C1QTNF8: variants seen among roughly 807,000 people sequenced by gnomAD.
The protein encoded by C1QTNF8 is C1q and TNF related 8, also known as complement C1q tumor necrosis factor-related protein 8.
A neutral mutation model predicts 19.2 loss-of-function variants in C1QTNF8; 27 were observed. That is an observed-to-expected ratio of 1.41 (90% CI 1.04 to 1.94). The LOEUF (loss-of-function observed/expected upper bound fraction) is 1.94, where lower values mean the gene tolerates loss of function less well. C1QTNF8 is among the 30% of genes most tolerant of loss of function. The pLI, the probability that C1QTNF8 is intolerant of heterozygous loss-of-function variation, is 0.00. For missense variants in C1QTNF8, 484 were observed against 374.4 expected (o/e 1.29, Z -2.42); for synonymous variants, 208 against 172.8 (o/e 1.20, Z -1.60).
intron 2 of C1QTNF8, 148 bp from the exon 3 acceptor site, chr16:1,095,081 T>A: frequency 2.4e-6 from 1 of 409,594 alleles, no homozygotes; most frequent in Non-Finnish European, 4.3e-6. Flanking sequence ...CCTGGCCCAG[T>A]GGGTGAGGCC....
rs899516854 is a variant in C1QTNF8 at position 1,089,005 on chromosome 16, G to A, written c.*1594C>T. Among the ~76,000 whole-genome samples the A allele has an allele frequency of 3.9e-5, 6 of 152,060 alleles. No individual in the cohort carries two copies. The highest frequency in any genetic ancestry group is 7.4e-5 in the Non-Finnish European group (5 of 67,994). The stretch of plus-strand genomic sequence containing the variant: ...CTGGTGCAGGGGCTGGCGTCTTCCC[G>A]GGACTCTCTTCCTCAGGACCACCTG... On this transcript the variant is annotated 3_prime_UTR_variant, in exon 5 of 5. Coordinates refer to ENST00000328449, the MANE Select transcript of C1QTNF8 (RefSeq NM_207419.3).
rs1250559634 is a variant in C1QTNF8 at position 1,089,156 on chromosome 16, A to T, written c.*1443T>A. Reference sequence around the variant, plus strand: ...CTGGGGTGCTTCCCCAGCACAGAACAGGCAGCCTGCGAGAGGAGATGTCCT... The same window carrying T: ...CTGGGGTGCTTCCCCAGCACAGAACTGGCAGCCTGCGAGAGGAGATGTCCT... On this transcript the variant is annotated 3_prime_UTR_variant, in exon 5 of 5. Transcript: ENST00000328449. Among the ~76,000 whole-genome samples, 1 of 152,144 alleles carries T rather than the reference A, an allele frequency of 6.6e-6. No individual in the cohort carries two copies. The highest frequency in any genetic ancestry group is 2.4e-5 in the African/African-American group (1 of 41,420).
rs900444570 is a variant in C1QTNF8, at chr16:1,095,764, G to A, written c.-161C>T. The A allele has an allele frequency of 1.3e-5, 2 of 152,286 alleles. No homozygotes were observed. Among genetic ancestry groups the A allele is most frequent in the Non-Finnish European group, 1.5e-5 (1 of 68,090 alleles). The allele number at this position is 152,286 out of a possible 1,614,324, so 9.4% of individuals were successfully genotyped here. ...CTCCTTCAGGAAGCCCTCTGGGATT[G>A]TAGCACAGGGCAAGGTCCTTCCTCC... On this transcript the variant is annotated 5_prime_UTR_variant, in exon 2 of 5. It introduces an in-frame stop codon into an upstream open reading frame of the 5' UTR. Coordinates refer to ENST00000328449, the MANE Select transcript of C1QTNF8 (RefSeq NM_207419.3).
chr16:1,091,064 AG>A (rs1960534406), intron 4 of C1QTNF8, among the ~76,000 whole-genome samples: 1 of 151,930 alleles, frequency 6.6e-6, no homozygotes, highest in Non-Finnish European at 1.5e-5. Flanking sequence ...CCCTGTGGGG[AG>A]GGAGTGGGGG....
rs1301042047 is a variant in C1QTNF8 at position 1,090,209 on chromosome 16, G to A, written c.*390C>T. 1 of 152,412 alleles carries A rather than the reference G, an allele frequency of 6.6e-6. No individual in the cohort carries two copies. The highest frequency in any genetic ancestry group is 2.4e-5 in the African/African-American group (1 of 41,460). 9.4% of individuals were successfully genotyped at this position (152,412 alleles called of 1,614,324 possible). On this transcript the variant is annotated 3_prime_UTR_variant, in exon 5 of 5. Transcript: ENST00000328449. ...GAGTACGGGGCCACTTGGGGGTGCT[G>A]AGGGGCAGCCTGGCCCCAGGGACAG...
intron 4 of C1QTNF8, among the ~76,000 whole-genome samples, chr16:1,092,420 C>T (rs1960567578): frequency 6.7e-6 from 1 of 150,268 alleles, no homozygotes; most frequent in African/African-American, 2.5e-5. Context: ...TCAATCACTG[C>T]ACACAGTCGG....
At position 1,093,981 on chromosome 16, in the gene C1QTNF8, C is replaced by G; in HGVS notation, c.279G>C (p.Arg93=). 1 of 1,468,090 alleles carries G rather than the reference C, an allele frequency of 6.8e-7. No homozygotes were observed. The allele number at this position is 1,468,090 out of a possible 1,614,324, so 90.9% of individuals were successfully genotyped here. A position where few individuals can be genotyped will look rare whatever the true frequency, so the allele number is the denominator to read the frequency against. ...TCTGGCCTCTGCGGCCCTGCAGGCC[C>G]CGGGCGCCTGGCGGCCCCTCTTTCC... The part of the protein sequence containing the change: ...RSGKEGPPGA[R]GLQGRRGQKG... Residue 93 remains arginine, a synonymous_variant, in exon 4 of 5, where the codon CGG becomes CGC. Coordinates refer to ENST00000328449, the MANE Select transcript of C1QTNF8 (RefSeq NM_207419.3).
Position 1,093,571 on chromosome 16 carries a change from A to G in C1QTNF8, c.689T>C (p.Ile230Thr). The G allele has an allele frequency of 6.3e-7, 1 of 1,595,472 alleles. No homozygotes were observed. Among genetic ancestry groups the G allele is most frequent in the East Asian group, 2.3e-5 (1 of 43,832 alleles). ...RMFQRDRDNA[I>T]YGEHGDLYIT... Reference sequence around the variant, plus strand: ...GTAGAGGTCTCCGTGCTCGCCGTAGATGGCGTTGTCCCGGTCGCGCTGGAA... The same window carrying G: ...GTAGAGGTCTCCGTGCTCGCCGTAGGTGGCGTTGTCCCGGTCGCGCTGGAA... The change falls in exon 4 of 5, where the codon ATC becomes ACC. Residue 230 changes from isoleucine (I) to threonine (T), a missense_variant. Transcript: ENST00000328449.
chr16:1,091,683 G>A (rs1960546757), intron 4 of C1QTNF8, among the ~76,000 whole-genome samples: 2 of 152,150 alleles, frequency 1.3e-5, no homozygotes, highest in South Asian at 2.1e-4. Flanking sequence ...CTCCGTGGGG[G>A]TCTGAGGCTT....
In C1QTNF8 at chr16:1,094,769, G is replaced by T; in HGVS notation, c.154C>A (p.Leu52Met). The change falls in exon 3 of 5, where the codon CTG (leucine) becomes ATG (methionine). Residue 52 changes from leucine (L) to methionine (M), a missense_variant. Coordinates refer to ENST00000328449, the MANE Select transcript of C1QTNF8 (RefSeq NM_207419.3). ...VSDRDLWRGD[L>M]WRGLPRVRPT... ...CGTACTCGAGGCAGCCCCCTCCACA[G>T]GTCCCCCCTCCACAGGTCCCTGTCA... The T allele has an allele frequency of 6.5e-7, 1 of 1,550,134 alleles. No homozygotes were observed. Among genetic ancestry groups the T allele is most frequent in the South Asian group, 1.2e-5 (1 of 82,250 alleles).
Position 1,093,512 on chromosome 16 carries a change from CGGCCGGCTTGACCAGGT to C in C1QTNF8, c.731_747del (p.His244ArgfsTer125), listed in dbSNP as rs774542059. 7.9e-4 allele frequency: 1,209 copies of C among 1,535,996 alleles called. 1 individual carries two copies. Among genetic ancestry groups the C allele is most frequent in the Admixed American group, 1.7e-3 (85 of 50,402 alleles). On this transcript the variant is annotated frameshift_variant, in exon 4 of 5. Transcript: ENST00000328449. LOFTEE classifies it high-confidence loss of function. ...GGCCCCTCACCCGGCTACAGCTCGG[CGGCCGGCTTGACCAGGT>C]GGCCGCTGAAGGTGATGTAGAGGTC...
Position 1,089,699 on chromosome 16 carries a change from C to G in C1QTNF8, c.*900G>C, listed in dbSNP as rs975722469. 6.6e-6 allele frequency among the ~76,000 whole-genome samples: 1 copy of G among 152,232 alleles called. No homozygotes were observed. Among genetic ancestry groups the G allele is most frequent in the African/African-American group, 2.4e-5 (1 of 41,456 alleles). ...AGGCGCCCTGCTGCTGCAGCCAGGA[C>G]CAGGCTGTGGGCTTCTCTCCTGGCA... On this transcript the variant is annotated 3_prime_UTR_variant, in exon 5 of 5. Transcript: ENST00000328449.
intron 4 of C1QTNF8, among the ~76,000 whole-genome samples, chr16:1,092,194 C>T (rs1960559436): frequency 6.6e-6 from 1 of 152,240 alleles, no homozygotes; most frequent in South Asian, 2.1e-4. Flanking sequence ...CCTGTGAGGG[C>T]AGGTGCGGGT....
At chr16:1,094,550 T>C in intron 3 of C1QTNF8, 165 bp downstream of exon 3, 1 of 509,302 alleles carries the variant, frequency 2.0e-6, no homozygotes, top group Admixed American at 4.1e-5. Flanking sequence ...TCTTCCTGCT[T>C]GCGGGGGGAG....
intron 4 of C1QTNF8, among the ~76,000 whole-genome samples, chr16:1,091,938 C>T (rs529044592): frequency 2.0e-5 from 3 of 152,220 alleles, no homozygotes; most frequent in South Asian, 2.1e-4. Context: ...CCATCCACAC[C>T]GGGCAGGTGC....
rs146775225 is a variant in C1QTNF8, at chr16:1,093,841, G to C, written c.419C>G (p.Thr140Arg). The stretch of plus-strand genomic sequence containing the variant: ...GGCGCCGTCCAGGTTCACCAGCTCC[G>C]TGTCGAAGGGCACCGCCTGGAAGTG... ...SDHFQAVPFD[T>R]ELVNLDGAFD... Residue 140 changes from threonine (T) to arginine (R), a missense_variant, in exon 4 of 5, where the codon ACG becomes AGG. Coordinates refer to ENST00000328449, the MANE Select transcript of C1QTNF8 (RefSeq NM_207419.3). The C allele has an allele frequency of 6.2e-7, 1 of 1,606,790 alleles. No homozygotes were observed. The highest frequency in any genetic ancestry group is 1.1e-5 in the South Asian group (1 of 91,038).
At chr16:1,094,678 G>A (rs1387585369) in intron 3 of C1QTNF8, 37 bp downstream of exon 3, 1 of 1,565,344 alleles carries the variant, frequency 6.4e-7, no homozygotes, top group South Asian at 1.1e-5. Context: ...GTTGGGTCCT[G>A]GTGGGGGAGC....
At position 1,088,415 on chromosome 16, in the gene C1QTNF8, C is replaced by T. The variant is rs541310734; in HGVS notation, c.*2184G>A. ...AGCACGGGCCGACCACGGGGGTGCCCGGTGCGGTTCTGATGGGGTGGCTCC... is the reference window on the plus strand; with the variant it reads ...AGCACGGGCCGACCACGGGGGTGCCTGGTGCGGTTCTGATGGGGTGGCTCC... On this transcript the variant is annotated 3_prime_UTR_variant, in exon 5 of 5. Coordinates refer to ENST00000328449, the MANE Select transcript of C1QTNF8 (RefSeq NM_207419.3). 5.1e-4 allele frequency among the ~76,000 whole-genome samples: 77 copies of T among 152,254 alleles called. No individual in the cohort carries two copies. Among genetic ancestry groups the T allele is most frequent in the African/African-American group, 1.7e-3 (72 of 41,550 alleles).
At chr16:1,092,037 G>A (rs939134856) in intron 4 of C1QTNF8, among the ~76,000 whole-genome samples, 3 of 152,206 alleles carry the variant, frequency 2.0e-5, no homozygotes, top group Non-Finnish European at 2.9e-5. Flanking sequence ...CGGCCGTGAG[G>A]GCGAGTACCT....
Sources: gnomAD v4.1 joint callset for allele counts (sites outside exome capture counted in the v4.1 genomes callset) on GRCh38, gnomAD v4.1.1 for gene constraint, MANE v1.5 for transcripts, NCBI Gene and HGNC (gene_info 2026-07-23, HGNC 2026-07-21) for gene names.